The following CNTN5 variants were observed in gnomAD, a reference collection of about 807,000 sequenced individuals.
The protein encoded by CNTN5 is contactin 5, also known as contactin-5.
In CNTN5, 77 loss-of-function variants were observed where a neutral mutation model predicts 129.1. The observed-to-expected ratio is 0.60, with a 90% CI of 0.50 to 0.72. CNTN5 has a LOEUF of 0.72. Among genes scored for constraint, CNTN5 ranks in the 30% least tolerant of loss-of-function variants. CNTN5 has a pLI of 0.00. For missense variants in CNTN5, 1,478 were observed against 1,328.8 expected (o/e 1.11, Z -1.75); for synonymous variants, 509 against 465.6 (o/e 1.09, Z -1.20).
intron 2 of CNTN5, among the ~76,000 whole-genome samples, chr11:99,482,122 C>T (rs1945624667): frequency 6.6e-6 from 1 of 152,050 alleles, no homozygotes; most frequent in Admixed American, 6.6e-5. Context: ...AATAAAAATG[C>T]ATTATTAATC....
intron 3 of CNTN5, among the ~76,000 whole-genome samples, chr11:99,714,933 G>A (rs375672743): frequency 1.3e-4 from 20 of 150,656 alleles, no homozygotes; most frequent in East Asian, 7.9e-4. Flanking sequence ...GTGCTTAAAC[G>A]TAAGGGTTGT....
At chr11:99,775,554 A>T (rs145799304) in intron 3 of CNTN5, among the ~76,000 whole-genome samples, 1 of 152,184 alleles carries the variant, frequency 6.6e-6, no homozygotes, top group African/African-American at 2.4e-5. Context: ...AGAAAGAAAC[A>T]GGTAGATAAT....
At chr11:99,928,472 C>A (rs528807785) in intron 7 of CNTN5, among the ~76,000 whole-genome samples, 5 of 152,232 alleles carry the variant, frequency 3.3e-5, no homozygotes, top group Admixed American at 1.3e-4. Context: ...ATTCTGAAAT[C>A]TAGCCAGAGG....
At chr11:100,232,694 T>C (rs1949515506) in intron 16 of CNTN5, among the ~76,000 whole-genome samples, 1 of 152,168 alleles carries the variant, frequency 6.6e-6, no homozygotes, top group Non-Finnish European at 1.5e-5. Context: ...ATAGAGCACA[T>C]AGTATGTGGC....
chr11:99,965,304 A>T (rs990943440), intron 8 of CNTN5, among the ~76,000 whole-genome samples: 14 of 152,090 alleles, frequency 9.2e-5, no homozygotes, highest in Non-Finnish European at 1.3e-4. Flanking sequence ...ATTTAGTGCT[A>T]TAAATTTCCC....
intron 2 of CNTN5, among the ~76,000 whole-genome samples, chr11:99,420,626 T>C (rs1942845930): frequency 6.6e-6 from 1 of 152,092 alleles, no homozygotes; most frequent in South Asian, 2.1e-4. Context: ...GCTTACATAA[T>C]TGAGTTGTGG....
intron 7 of CNTN5, among the ~76,000 whole-genome samples, chr11:99,945,588 C>CT (rs576668210): frequency 2.1e-4 from 31 of 151,164 alleles, no homozygotes; most frequent in Admixed American, 7.3e-4. Flanking sequence ...GATGTTAACA[C>CT]TTTTTTTTCT....
At chr11:99,377,128 G>C (rs1940232328) in intron 2 of CNTN5, among the ~76,000 whole-genome samples, 1 of 151,940 alleles carries the variant, frequency 6.6e-6, no homozygotes, top group Non-Finnish European at 1.5e-5. Context: ...CTTCTTAATT[G>C]GAAACTTTAA....
chr11:100,255,126 G>A (rs1444102615), intron 16 of CNTN5, among the ~76,000 whole-genome samples: 6 of 151,906 alleles, frequency 3.9e-5, no homozygotes, highest in African/African-American at 9.7e-5. Context: ...TCCTACCAAG[G>A]AAAAAAGGAA....
At position 99,767,984 on chromosome 11, in the gene CNTN5, A is replaced by G. The variant is rs1047662483; in HGVS notation, c.56-51560A>G. ...GTTTCATGGACAATTTCAGCTTGTC[A>G]TCTGCTTCTATCAGTAGTTTTATTG... On this transcript the variant is annotated intron_variant, in intron 3 of 24. Coordinates refer to ENST00000524871, the MANE Select transcript of CNTN5 (RefSeq NM_014361.4). Among the ~76,000 whole-genome samples the G allele has an allele frequency of 2.6e-5, 4 of 152,222 alleles. No individual in the cohort carries two copies. In the East Asian group the frequency reaches 7.7e-4, roughly 29 times the overall value.
chr11:99,068,594 C>A (rs1042837770), intron 1 of CNTN5, among the ~76,000 whole-genome samples: 4 of 152,156 alleles, frequency 2.6e-5, no homozygotes, highest in African/African-American at 9.7e-5. Context: ...CTGGCCAGTT[C>A]TTAAAGCCCT....
intron 14 of CNTN5, among the ~76,000 whole-genome samples, chr11:100,192,893 G>T (rs1324835442): frequency 6.6e-6 from 1 of 151,870 alleles, no homozygotes; most frequent in Non-Finnish European, 1.5e-5. Flanking sequence ...TACAGCAAAG[G>T]TACAAAAACA....
At chr11:100,289,447 G>C (rs1950895968) in intron 18 of CNTN5, among the ~76,000 whole-genome samples, 1 of 150,790 alleles carries the variant, frequency 6.6e-6, no homozygotes. Flanking sequence ...ATGCAAGGCT[G>C]GTTCAATATA....
chr11:99,241,490 C>G (rs1467853238), intron 1 of CNTN5, among the ~76,000 whole-genome samples: 1 of 151,960 alleles, frequency 6.6e-6, no homozygotes, highest in African/African-American at 2.4e-5. Context: ...CAACTCAAAG[C>G]AGAGAGCAAG....
intron 2 of CNTN5, among the ~76,000 whole-genome samples, chr11:99,390,232 C>G (rs1941188520): frequency 6.6e-6 from 1 of 151,976 alleles, no homozygotes; most frequent in Admixed American, 6.6e-5. Context: ...ATCCTACTGC[C>G]TCAAACTACT....
At chr11:100,011,380 A>G (rs1940523329) in intron 9 of CNTN5, among the ~76,000 whole-genome samples, 1 of 152,140 alleles carries the variant, frequency 6.6e-6, no homozygotes, top group Non-Finnish European at 1.5e-5. Flanking sequence ...ACAAAACAAC[A>G]TCAGTTTATC....
At chr11:100,266,525 C>T (rs1263746842) in intron 17 of CNTN5, among the ~76,000 whole-genome samples, 1 of 151,706 alleles carries the variant, frequency 6.6e-6, no homozygotes, top group East Asian at 1.9e-4. Context: ...TTTTTACTTT[C>T]TTTCATATTG....
At chr11:99,905,540 T>C (rs1949476834) in intron 6 of CNTN5, among the ~76,000 whole-genome samples, 1 of 152,208 alleles carries the variant, frequency 6.6e-6, no homozygotes, top group African/African-American at 2.4e-5. Context: ...TTGGTTACTG[T>C]AGCCTTGTAG....
intron 2 of CNTN5, among the ~76,000 whole-genome samples, chr11:99,430,146 C>T (rs1943302549): frequency 6.6e-6 from 1 of 151,824 alleles, no homozygotes; most frequent in Non-Finnish European, 1.5e-5. Flanking sequence ...TAGACTCCTT[C>T]TCAAGATGTT....
Sources: allele counts gnomAD v4.1 joint callset (sites outside exome capture counted in the v4.1 genomes callset), GRCh38; gene constraint gnomAD v4.1.1; transcripts MANE v1.5; gene names NCBI Gene and HGNC (gene_info 2026-07-23, HGNC 2026-07-21).